GLIS3: variants seen among roughly 807,000 people sequenced by gnomAD.
The protein encoded by GLIS3 is GLIS family zinc finger 3.
In GLIS3, 53 loss-of-function variants were observed where a neutral mutation model predicts 78.6. That is an observed-to-expected ratio of 0.67 (90% CI 0.54 to 0.85). GLIS3 has a LOEUF of 0.85. Ranked by LOEUF, GLIS3 falls within the 40% of genes least tolerant of loss-of-function variation. The pLI, the probability that GLIS3 is intolerant of heterozygous loss-of-function variation, is 0.00. For missense variants in GLIS3, 1,703 were observed against 1,231.1 expected, an observed-to-expected ratio of 1.38 and a Z score of -5.74; for synonymous variants, 684 against 509.9, an observed-to-expected ratio of 1.34 and a Z score of -4.60.
the GLIS3 span, among the ~76,000 whole-genome samples, chr9:4,452,506 A>C: frequency 1.3e-5 from 2 of 152,242 alleles, no homozygotes; most frequent in Non-Finnish European, 2.9e-5. Flanking sequence ...TGCAGAAATC[A>C]CAAGCATTCC....
intron 1 of GLIS3, among the ~76,000 whole-genome samples, chr9:4,292,750 G>A (rs773872610): frequency 1.8e-4 from 28 of 152,160 alleles, no homozygotes; most frequent in Non-Finnish European, 2.6e-4. Flanking sequence ...CATTGCAGGG[G>A]ATAGGTAACT....
chr9:4,457,711 A>C, the GLIS3 span, among the ~76,000 whole-genome samples: 1 of 151,818 alleles, frequency 6.6e-6, no homozygotes, highest in African/African-American at 2.4e-5. Flanking sequence ...TTAGCTGGGC[A>C]TGGTGGCACA....
At chr9:4,113,280 G>C (rs973512301) in intron 4 of GLIS3, among the ~76,000 whole-genome samples, 1 of 151,628 alleles carries the variant, frequency 6.6e-6, no homozygotes, top group African/African-American at 2.4e-5. Flanking sequence ...ATACTTTTTT[G>C]AAAAACAAAA....
chr9:3,913,438 C>G (rs1824282972), intron 6 of GLIS3, among the ~76,000 whole-genome samples: 1 of 152,216 alleles, frequency 6.6e-6, no homozygotes, highest in African/African-American at 2.4e-5. Flanking sequence ...AACATGCTGG[C>G]TCTCACCTAG....
At chr9:4,486,293 C>A in the GLIS3 span, among the ~76,000 whole-genome samples, 1 of 152,116 alleles carries the variant, frequency 6.6e-6, no homozygotes, top group African/African-American at 2.4e-5. Flanking sequence ...CCTTTATCTG[C>A]GTAAGATTCA....
chr9:4,401,835 T>C, the GLIS3 span, among the ~76,000 whole-genome samples: 1 of 152,050 alleles, frequency 6.6e-6, no homozygotes, highest in African/African-American at 2.4e-5. Context: ...TAAGTGAGCA[T>C]TGGTGGTGGC....
Position 4,117,922 on chromosome 9 carries a change from C to G in GLIS3, c.1556G>C (p.Arg519Pro). The change falls in exon 4 of 11, where the codon CGG (arginine) becomes CCG (proline). Residue 519 changes from arginine (R) to proline (P), a missense_variant. Arg to Pro is a moderately radical substitution (Grantham distance 103). Transcript: ENST00000381971. The part of the protein sequence containing the change: ...ALYDQQEELV[R>P]HIEKVHIDQR... ...GTCGATGTGGACCTTCTCGATGTGC[C>G]GCACGAGCTCCTCCTGCTGGTCGTA... The G allele has an allele frequency of 6.2e-7, 1 of 1,614,126 alleles. No homozygotes were observed. The highest frequency in any genetic ancestry group is 8.5e-7 in the Non-Finnish European group (1 of 1,180,022).
At chr9:4,059,441 A>G (rs1826437811) in intron 4 of GLIS3, among the ~76,000 whole-genome samples, 1 of 152,222 alleles carries the variant, frequency 6.6e-6, no homozygotes. Flanking sequence ...GATTTCTCTC[A>G]GCTCTCCTGC....
At chr9:4,261,818 T>C (rs1340691438) in intron 2 of GLIS3, among the ~76,000 whole-genome samples, 2 of 152,194 alleles carry the variant, frequency 1.3e-5, no homozygotes, top group Admixed American at 6.5e-5. Context: ...CACTCTCTTA[T>C]CTTGAATCTC....
chr9:4,028,496 G>C (rs887364107), intron 4 of GLIS3, among the ~76,000 whole-genome samples: 1 of 152,082 alleles, frequency 6.6e-6, no homozygotes, highest in Non-Finnish European at 1.5e-5. Context: ...CAGTAAAATG[G>C]TTATTGAGGT....
chr9:4,347,252 A>C (rs1310423100), intron 1 of GLIS3: 1 of 152,232 alleles, frequency 6.6e-6, no homozygotes, highest in Non-Finnish European at 1.5e-5. Context: ...ACCAGCTCTC[A>C]TGGGAACTAA....
At chr9:3,878,137 G>A (rs1821446746) in intron 8 of GLIS3, among the ~76,000 whole-genome samples, 1 of 151,816 alleles carries the variant, frequency 6.6e-6, no homozygotes, top group South Asian at 2.1e-4. Context: ...CCCCACTGAG[G>A]CATCCAGAAG....
intron 2 of GLIS3, among the ~76,000 whole-genome samples, chr9:4,233,954 T>C (rs968946047): frequency 1.3e-5 from 2 of 152,212 alleles, no homozygotes; most frequent in African/African-American, 4.8e-5. Flanking sequence ...TCCTTAAACT[T>C]CATAAACCAA....
chr9:4,489,956 C>T, the GLIS3 span, among the ~76,000 whole-genome samples: 1 of 152,246 alleles, frequency 6.6e-6, no homozygotes, highest in Non-Finnish European at 1.5e-5. Context: ...CCCAGGACTC[C>T]TTTCTCTCCT....
intron 2 of GLIS3, among the ~76,000 whole-genome samples, chr9:4,236,204 A>AAAAGAAAG (rs1554630098): frequency 6.4e-4 from 55 of 86,374 alleles, no homozygotes; most frequent in South Asian, 2.1e-3. Flanking sequence ...AAAAAAAAAA[A>AAAAGAAAG]AAAGAAAGAA....
intron 4 of GLIS3, among the ~76,000 whole-genome samples, chr9:3,993,755 T>C (rs1820517454): frequency 6.6e-6 from 1 of 152,264 alleles, no homozygotes; most frequent in Non-Finnish European, 1.5e-5. Flanking sequence ...CAAATGGCTA[T>C]ACCATAATTC....
intron 2 of GLIS3, among the ~76,000 whole-genome samples, chr9:4,322,062 T>C (rs140153433): frequency 2.7e-3 from 414 of 152,188 alleles, no homozygotes; most frequent in Non-Finnish European, 4.9e-3. Flanking sequence ...TGGTGTGTGA[T>C]GTTCCCCGCC....
chr9:3,919,965 T>C (rs926940402), intron 6 of GLIS3, among the ~76,000 whole-genome samples: 1 of 149,698 alleles, frequency 6.7e-6, no homozygotes, highest in African/African-American at 2.4e-5. Context: ...CTAAGGAGAA[T>C]AAAAATAGCT....
chr9:4,256,529 G>A (rs1387585243), intron 2 of GLIS3, among the ~76,000 whole-genome samples: 1 of 152,070 alleles, frequency 6.6e-6, no homozygotes, highest in East Asian at 1.9e-4. Flanking sequence ...AGGACACTTT[G>A]GAAATAGAAA....
Sources: gnomAD v4.1 joint callset for allele counts (sites outside exome capture counted in the v4.1 genomes callset) on GRCh38, gnomAD v4.1.1 for gene constraint, MANE v1.5 for transcripts, NCBI Gene and HGNC (gene_info 2026-07-23, HGNC 2026-07-21) for gene names.